Variants in PCDHA3 observed in about 807,000 individuals in gnomAD.
PCDHA3 encodes protocadherin alpha-3.
A neutral mutation model predicts 62.2 loss-of-function variants in PCDHA3; 41 were observed. The observed-to-expected ratio is 0.66, with a 90% CI of 0.51 to 0.86. The LOEUF (loss-of-function observed/expected upper bound fraction) is 0.86. Among genes scored for constraint, PCDHA3 ranks in the 40% least tolerant of loss-of-function variants. The pLI is 0.00. For missense variants in PCDHA3, 1,304 were observed against 1,241.2 expected, an observed-to-expected ratio of 1.05 and a Z score of -0.76; for synonymous variants, 640 against 555.4, an observed-to-expected ratio of 1.15 and a Z score of -2.14.
At chr5:140,856,040 A>T (rs374986437) in intron 1 of PCDHA3, 4 of 1,569,320 alleles carry the variant, frequency 2.5e-6, no homozygotes, top group Non-Finnish European at 3.5e-6. Flanking sequence ...AAAACAAGAG[A>T]AGGATAAGAT....
intron 1 of PCDHA3, among the ~76,000 whole-genome samples, chr5:140,872,037 G>T (rs1554166004): frequency 1.3e-5 from 2 of 152,238 alleles, no homozygotes; most frequent in African/African-American, 2.4e-5. Context: ...TAAGCTCAAA[G>T]AATTCTCCCA....
chr5:140,829,811 G>T (rs1554132272), intron 1 of PCDHA3: 1 of 1,613,910 alleles, frequency 6.2e-7, no homozygotes, highest in Non-Finnish European at 8.5e-7. Flanking sequence ...GGGTGGTACT[G>T]GTGGTGCAGT....
At chr5:140,857,620 C>T (rs782083775) in intron 1 of PCDHA3, 2 of 1,596,564 alleles carry the variant, frequency 1.3e-6, no homozygotes, top group East Asian at 2.2e-5. Context: ...CGCTGGACCA[C>T]GAGGAGCTGG....
chr5:140,996,524 C>A (rs1303736536), intron 3 of PCDHA3, among the ~76,000 whole-genome samples: 3 of 152,048 alleles, frequency 2.0e-5, no homozygotes, highest in African/African-American at 7.2e-5. Flanking sequence ...TTAGAAAGGC[C>A]CTGTGTGTTT....
intron 1 of PCDHA3, among the ~76,000 whole-genome samples, chr5:140,840,501 C>T (rs956640130): frequency 7.9e-5 from 12 of 151,956 alleles, no homozygotes; most frequent in African/African-American, 2.9e-4. Flanking sequence ...GGTAAATACT[C>T]ACTTTTTGGA....
At chr5:140,809,636 A>G in intron 1 of PCDHA3, 2 of 1,502,950 alleles carry the variant, frequency 1.3e-6, no homozygotes, top group Non-Finnish European at 1.8e-6. Flanking sequence ...TTCTTCGTAA[A>G]TTTATTTCTA....
At chr5:140,887,961 G>A (rs1311969868) in intron 1 of PCDHA3, among the ~76,000 whole-genome samples, 1 of 151,770 alleles carries the variant, frequency 6.6e-6, no homozygotes, top group African/African-American at 2.4e-5. Flanking sequence ...GATTCTTTTT[G>A]TCTCTTTTAA....
chr5:140,847,411 A>G (rs1333406263), intron 1 of PCDHA3: 4 of 149,582 alleles, frequency 2.7e-5, no homozygotes, highest in African/African-American at 9.8e-5. Context: ...ATAAACACTC[A>G]CGGTTTTGCC....
intron 3 of PCDHA3, among the ~76,000 whole-genome samples, chr5:141,000,500 T>A (rs1440390927): frequency 5.7e-5 from 8 of 140,516 alleles, no homozygotes; most frequent in Non-Finnish European, 1.2e-4. Context: ...AGATCTCGGC[T>A]CACTGCAACC....
At chr5:140,917,739 T>C (rs1554198287) in intron 1 of PCDHA3, among the ~76,000 whole-genome samples, 1 of 152,222 alleles carries the variant, frequency 6.6e-6, no homozygotes, top group African/African-American at 2.4e-5. Flanking sequence ...CTCTAACCTG[T>C]CCCATTGGTC....
chr5:140,829,049 A>G (rs2150162138), intron 1 of PCDHA3: 1 of 1,613,120 alleles, frequency 6.2e-7, no homozygotes, highest in South Asian at 1.1e-5. Flanking sequence ...CAAAATCCTC[A>G]TTGACGCCAC....
At chr5:141,008,014 CT>C (rs1268690822) in intron 3 of PCDHA3, among the ~76,000 whole-genome samples, 12 of 152,070 alleles carry the variant, frequency 7.9e-5, no homozygotes, top group African/African-American at 1.7e-4. Flanking sequence ...CTTCTGTTTC[CT>C]TTTTTTTCTT....
Position 140,968,579 on chromosome 5 carries a change from A to G in PCDHA3, c.2395-10370A>G, listed in dbSNP as rs1554230883. On this transcript the variant is annotated intron_variant, in intron 1 of 3. Coordinates refer to ENST00000522353, the MANE Select transcript of PCDHA3 (RefSeq NM_018906.3). ...AACTGCCCCTGCTGGCTACCTGGTCACCAAAGTCATAGCTATGGACTCAGA... is the reference window on the plus strand; with the variant it reads ...AACTGCCCCTGCTGGCTACCTGGTCGCCAAAGTCATAGCTATGGACTCAGA... 6 of 1,614,182 alleles carry G rather than the reference A, an allele frequency of 3.7e-6. No homozygotes were observed. The highest frequency in any genetic ancestry group is 5.1e-6 in the Non-Finnish European group (6 of 1,180,042).
intron 1 of PCDHA3, chr5:140,808,152 G>A: frequency 6.2e-7 from 1 of 1,614,136 alleles, no homozygotes; most frequent in Non-Finnish European, 8.5e-7. Flanking sequence ...ATTGTAGAGG[G>A]CATTGATAAG....
In PCDHA3 at chr5:140,852,660, A is replaced by G. The variant is rs2150521293; in HGVS notation, c.2394+49069A>G. The G allele has an allele frequency of 3.6e-4, 348 of 965,166 alleles. 29 individuals carry two copies. The highest frequency in any genetic ancestry group is 4.1e-4 in the Non-Finnish European group (328 of 799,632). 59.8% of individuals were successfully genotyped at this position (965,166 alleles called of 1,614,324 possible). A position where few individuals can be genotyped will look rare whatever the true frequency, so the allele number is the denominator to read the frequency against. On this transcript the variant is annotated intron_variant, in intron 1 of 3. Coordinates refer to ENST00000522353, the MANE Select transcript of PCDHA3 (RefSeq NM_018906.3). Reference sequence around the variant, plus strand: ...TCATTAAACCTATCTATATCTGTCTATCAGCACAACTCACCTTGAATATAG... The same window carrying G: ...TCATTAAACCTATCTATATCTGTCTGTCAGCACAACTCACCTTGAATATAG...
intron 1 of PCDHA3, among the ~76,000 whole-genome samples, chr5:140,891,255 A>C (rs1313851741): frequency 6.6e-6 from 1 of 151,868 alleles, no homozygotes; most frequent in Non-Finnish European, 1.5e-5. Context: ...GATTTTTTTT[A>C]ATTTTTAATT....
chr5:140,916,871 T>C (rs1321229691), intron 1 of PCDHA3, among the ~76,000 whole-genome samples: 1 of 152,162 alleles, frequency 6.6e-6, no homozygotes, highest in African/African-American at 2.4e-5. Context: ...ACCTAGGAAT[T>C]GCAATCCTTG....
rs2150495935 is a variant in PCDHA3 at position 140,850,724 on chromosome 5, C to G, written c.2394+47133C>G. On this transcript the variant is annotated intron_variant, in intron 1 of 3. Coordinates refer to ENST00000522353, the MANE Select transcript of PCDHA3 (RefSeq NM_018906.3). ...GCAAGCCGACGCTGGTGTGTTCTAGCGCGGTGGGGAGTTGGTCGTACTCGC... is the reference window on the plus strand; with the variant it reads ...GCAAGCCGACGCTGGTGTGTTCTAGGGCGGTGGGGAGTTGGTCGTACTCGC... 5.0e-6 allele frequency: 8 copies of G among 1,597,668 alleles called. No individual in the cohort carries two copies. The African/African-American group carries it at 1.1e-4, about 22-fold the overall frequency.
chr5:140,887,239 G>A (rs1248062448), intron 1 of PCDHA3, among the ~76,000 whole-genome samples: 2 of 151,736 alleles, frequency 1.3e-5, no homozygotes, highest in Admixed American at 6.6e-5. Context: ...TGAGACTACC[G>A]GCGCCCGCCA....
Sources: allele counts gnomAD v4.1 joint callset (sites outside exome capture counted in the v4.1 genomes callset), GRCh38; gene constraint gnomAD v4.1.1; transcripts MANE v1.5; gene names NCBI Gene and HGNC (gene_info 2026-07-23, HGNC 2026-07-21).